Variants in FMNL3 observed in about 807,000 individuals in gnomAD.
The protein encoded by FMNL3 is formin-like protein 3.
In FMNL3, 57 loss-of-function variants were observed where a neutral mutation model predicts 119.6. The observed-to-expected ratio is 0.48, with a 90% confidence interval of 0.39 to 0.59. The LOEUF is 0.59. FMNL3 is among the 20% of genes least tolerant of loss of function. FMNL3 has a pLI of 0.00. For missense variants in FMNL3, 1,053 were observed against 1,323.5 expected, an observed-to-expected ratio of 0.80 and a Z score of 3.17; for synonymous variants, 491 against 507.3, an observed-to-expected ratio of 0.97 and a Z score of 0.43.
chr12:49,668,895 T>G (rs1171491102), intron 1 of FMNL3, among the ~76,000 whole-genome samples: 1 of 152,232 alleles, frequency 6.6e-6, no homozygotes. Context: ...ATTTTATGTA[T>G]ATAAACAAAT....
chr12:49,675,165 T>A (rs1371668668), intron 1 of FMNL3, among the ~76,000 whole-genome samples: 1 of 152,186 alleles, frequency 6.6e-6, no homozygotes, highest in Non-Finnish European at 1.5e-5. Flanking sequence ...CAAACCCTGA[T>A]TAAGGCCACC....
At chr12:49,698,750 T>C (rs1289181770) in intron 1 of FMNL3, among the ~76,000 whole-genome samples, 1 of 152,180 alleles carries the variant, frequency 6.6e-6, no homozygotes, top group Admixed American at 6.5e-5. Context: ...CCTGGGGGAC[T>C]GACTCACTCT....
Position 49,707,311 on chromosome 12 carries a change from C to A in FMNL3, c.-131G>T. On this transcript the variant is annotated 5_prime_UTR_variant, in exon 1 of 26. Coordinates refer to ENST00000335154, the MANE Select transcript of FMNL3 (RefSeq NM_175736.5). ...CCCGACTCCTCGGCCCCGTCGAGGG[C>A]GCCGGGGGTTCCCTGGAGTCCCGCT... is the stretch of plus-strand genomic sequence containing the variant. 1 of 855,142 alleles carries A rather than the reference C, an allele frequency of 1.2e-6. No homozygotes were observed. The highest frequency in any genetic ancestry group is 1.6e-6 in the Non-Finnish European group (1 of 612,690). 53.0% of individuals were successfully genotyped at this position (855,142 alleles called of 1,614,324 possible).
At chr12:49,700,494 C>T (rs1173814313) in intron 1 of FMNL3, among the ~76,000 whole-genome samples, 3 of 149,502 alleles carry the variant, frequency 2.0e-5, no homozygotes, top group African/African-American at 4.9e-5. Flanking sequence ...GCAGGTGGGT[C>T]GCGTGAGGTC....
chr12:49,662,723 C>T (rs577542522), intron 4 of FMNL3, among the ~76,000 whole-genome samples: 63 of 152,240 alleles, frequency 4.1e-4, no homozygotes, highest in African/African-American at 5.3e-4. Context: ...GTACGTGGGT[C>T]CCCCTCAGCC....
chr12:49,644,985 A>T lies in FMNL3; in HGVS notation c.*830T>A, dbSNP rs1943107464. The T allele has an allele frequency of 6.6e-6, 1 of 152,024 alleles. No individual in the cohort carries two copies. Among genetic ancestry groups the T allele is most frequent in the Admixed American group, 6.6e-5 (1 of 15,266 alleles). The allele number at this position is 152,024 out of a possible 1,614,324, so 9.4% of individuals were successfully genotyped here. On this transcript the variant is annotated 3_prime_UTR_variant, in exon 26 of 26. Coordinates refer to ENST00000335154, the MANE Select transcript of FMNL3 (RefSeq NM_175736.5). Reference sequence around the variant, plus strand: ...GGAGAGTCTGAGGTTTATGTACAGTAAGAGGAAAGGGAGGTGGTACATGTA... The same window carrying T: ...GGAGAGTCTGAGGTTTATGTACAGTTAGAGGAAAGGGAGGTGGTACATGTA...
chr12:49,676,622 CAT>C (rs1158032608), intron 1 of FMNL3, among the ~76,000 whole-genome samples: 1 of 142,400 alleles, frequency 7.0e-6, no homozygotes, highest in African/African-American at 2.6e-5. Context: ...TTCTTTGAAT[CAT>C]GTGCAGGTGC....
chr12:49,651,529 CCTT>C, intron 14 of FMNL3, 79 bp from the exon 15 acceptor site: 1 of 1,162,428 alleles, frequency 8.6e-7, no homozygotes, highest in Non-Finnish European at 1.1e-6. Context: ...GCCTGTCCCA[CCTT>C]CTCTGAGAGT....
chr12:49,654,171 C>G, intron 11 of FMNL3, 21 bp downstream of exon 11: 1 of 1,607,010 alleles, frequency 6.2e-7, no homozygotes, highest in Non-Finnish European at 8.5e-7. Flanking sequence ...CCTCACCTTA[C>G]AAGGACCCCA....
intron 4 of FMNL3, among the ~76,000 whole-genome samples, chr12:49,662,343 A>G (rs1017505314): frequency 6.6e-6 from 1 of 152,202 alleles, no homozygotes; most frequent in African/African-American, 2.4e-5. Context: ...CCCTGGCTCA[A>G]TTATTTTCTG....
intron 1 of FMNL3, among the ~76,000 whole-genome samples, chr12:49,706,729 A>G (rs1301208480): frequency 6.6e-6 from 1 of 152,004 alleles, no homozygotes; most frequent in Non-Finnish European, 1.5e-5. Flanking sequence ...AGGGACGGGG[A>G]GCCTGGCGAA....
Position 49,647,900 on chromosome 12 carries a change from G to A in FMNL3, c.2677-96C>T. The A allele has an allele frequency of 1.9e-6, 2 of 1,036,838 alleles. No homozygotes were observed. The highest frequency in any genetic ancestry group is 2.9e-6 in the Non-Finnish European group (2 of 700,716). 64.2% of individuals were successfully genotyped at this position (1,036,838 alleles called of 1,614,324 possible). On this transcript the variant is annotated intron_variant, in intron 22 of 25. Coordinates refer to ENST00000335154, the MANE Select transcript of FMNL3 (RefSeq NM_175736.5). The surrounding 1 kb of genome is among the most constrained non-coding windows in gnomAD (Gnocchi z 4.9). ...AGGCCTGCAGAAAGCAGAGCCCAGGGCCAAAGGGAGGAAAACCAAGCACCC... is the reference window on the plus strand; with the variant it reads ...AGGCCTGCAGAAAGCAGAGCCCAGGACCAAAGGGAGGAAAACCAAGCACCC...
chr12:49,649,286 A>G lies in FMNL3; in HGVS notation c.2358T>C (p.Tyr786=), dbSNP rs757103000. The stretch of plus-strand genomic sequence containing the variant: ...GATCCAGGCTCTGGAGCTTGAAGCC[A>G]TACACAGCTCCCCGCTTGCTGCTGT... ...YMNSSKRGAV[Y]GFKLQSLDLL... The change falls in exon 20 of 26, where the codon TAT becomes TAC. Residue 786 remains tyrosine, a synonymous_variant. Transcript: ENST00000335154. This position sits in a 1 kb window ranked among gnomAD's most constrained non-coding sequence, Gnocchi z 5.6. 6.2e-7 allele frequency: 1 copy of G among 1,614,178 alleles called. No individual in the cohort carries two copies. The highest frequency in any genetic ancestry group is 8.5e-7 in the Non-Finnish European group (1 of 1,180,036).
At position 49,638,839 on chromosome 12, in the gene FMNL3, T is replaced by C. The variant is rs1245101195; in HGVS notation, c.*6976A>G. On this transcript the variant is annotated 3_prime_UTR_variant, in exon 26 of 26. Coordinates refer to ENST00000335154, the MANE Select transcript of FMNL3 (RefSeq NM_175736.5). ...ACCAGAGTACACCTAATTACAGAGATTAAATGGTACCTGGGTTGAAAGGGA... is the reference window on the plus strand; with the variant it reads ...ACCAGAGTACACCTAATTACAGAGACTAAATGGTACCTGGGTTGAAAGGGA... 6.6e-6 allele frequency: 1 copy of C among 152,130 alleles called. No individual in the cohort carries two copies. The highest frequency in any genetic ancestry group is 1.5e-5 in the Non-Finnish European group (1 of 68,014). The allele number at this position is 152,130 out of a possible 1,614,324, so 9.4% of individuals were successfully genotyped here. A position where few individuals can be genotyped will look rare whatever the true frequency, so the allele number is the denominator to read the frequency against.
intron 1 of FMNL3, among the ~76,000 whole-genome samples, chr12:49,688,241 C>T (rs558742687): frequency 6.6e-6 from 1 of 152,312 alleles, no homozygotes; most frequent in South Asian, 2.1e-4. Context: ...GCCACCATCA[C>T]CCTGCAGGGG....
Position 49,658,479 on chromosome 12 carries a change from T to G in FMNL3, c.568A>C (p.Asn190His). Residue 190 changes from asparagine (N) to histidine (H), a missense_variant, in exon 6 of 26, where the codon AAC becomes CAC. Physicochemically the swap from Asn to His is moderately conservative, Grantham distance 68 (BLOSUM62 1). Transcript: ENST00000335154. ...PPSALSAPFT[N>H]SLARSARQSV... ...TGGCGCGCAGAGCGAGCGAGGCTGT[T>G]GGTGAAGGGGGCCGACAGGGCGCTG... 6.2e-7 allele frequency: 1 copy of G among 1,612,632 alleles called. No individual in the cohort carries two copies. Among genetic ancestry groups the G allele is most frequent in the Non-Finnish European group, 8.5e-7 (1 of 1,179,182 alleles).
chr12:49,697,653 T>A (rs920882590), intron 1 of FMNL3, among the ~76,000 whole-genome samples: 1 of 152,320 alleles, frequency 6.6e-6, no homozygotes, highest in African/African-American at 2.4e-5. Flanking sequence ...CTTTAAATTA[T>A]GGAATTCTGA....
rs542512027 is a variant in FMNL3, at chr12:49,676,490, C to T, written c.127-7936G>A. On this transcript the variant is annotated intron_variant, in intron 1 of 25. Transcript: ENST00000335154. ...ATACCAGGACACTGATACCATGGAC[C>T]TTTAGCACAAATTGAATGTTTCATA... Among the ~76,000 whole-genome samples the T allele has an allele frequency of 1.4e-5, 2 of 147,056 alleles. 1 individual carries two copies. The highest frequency in any genetic ancestry group is 5.0e-5 in the African/African-American group (2 of 40,044).
Position 49,644,315 on chromosome 12 carries a change from C to A in FMNL3, c.*1500G>T. On this transcript the variant is annotated 3_prime_UTR_variant, in exon 26 of 26. Coordinates refer to ENST00000335154, the MANE Select transcript of FMNL3 (RefSeq NM_175736.5). The stretch of plus-strand genomic sequence containing the variant: ...TCCACTTTTTCTAAAGTAACCCCAC[C>A]CCCAGCACACCATTGTTGGCACCTC... 2.8e-6 allele frequency: 3 copies of A among 1,063,176 alleles called. No homozygotes were observed. Among genetic ancestry groups the A allele is most frequent in the South Asian group, 1.4e-5 (1 of 70,130 alleles). 65.9% of individuals were successfully genotyped at this position (1,063,176 alleles called of 1,614,324 possible).
Sources: allele counts gnomAD v4.1 joint callset (sites outside exome capture counted in the v4.1 genomes callset), GRCh38; gene constraint gnomAD v4.1.1; non-coding constraint Gnocchi (gnomAD v3.1); transcripts MANE v1.5; gene names NCBI Gene and HGNC (gene_info 2026-07-23, HGNC 2026-07-21).